The following BMX variants were observed in gnomAD, a reference collection of about 807,000 sequenced individuals.
The protein encoded by BMX is cytoplasmic tyrosine-protein kinase BMX.
A neutral mutation model predicts 59.2 loss-of-function variants in BMX; 31 were observed. The observed-to-expected ratio is 0.52, with a 90% CI of 0.39 to 0.71. The LOEUF (loss-of-function observed/expected upper bound fraction) is 0.71. Among genes scored for constraint, BMX ranks in the 30% least tolerant of loss-of-function variants. The probability of loss-of-function intolerance (pLI) is 0.00; values close to 1 mark genes in which losing one functional copy is unlikely to be tolerated. For missense variants in BMX, 474 were observed against 491.7 expected (o/e 0.96, Z 0.34); for synonymous variants, 185 against 181.0 (o/e 1.02, Z -0.18).
intron 18 of BMX, 132 bp downstream of exon 18, chrX:15,550,129 C>T (rs1926123120): frequency 2.5e-6 from 2 of 785,160 alleles, no homozygotes; most frequent in African/African-American, 2.1e-5. Context: ...TCCTCAGCCC[C>T]TGCCCTAAAA....
intron 3 of BMX, among the ~76,000 whole-genome samples, chrX:15,509,955 T>G (rs1038982595): frequency 9.0e-6 from 1 of 111,194 alleles, no homozygotes; most frequent in African/African-American, 3.3e-5. Context: ...GAAGGACAAG[T>G]AAAATTTAAC....
In BMX at chrX:15,503,042, C is replaced by G. The variant is rs145163334; in HGVS notation, c.-10+2102C>G. Among the ~76,000 whole-genome samples the G allele has an allele frequency of 2.7e-5, 3 of 111,631 alleles. No homozygotes were observed. The East Asian group carries it at 8.4e-4, about 31-fold the overall frequency. On this transcript the variant is annotated intron_variant, in intron 1 of 18. Coordinates refer to ENST00000348343, the MANE Select transcript of BMX (RefSeq NM_203281.3). ...GTAAGAGAGGATAACTAAACCAAGT[C>G]AAAGGGTAAGGAATTGCTATCCTTA... is the stretch of plus-strand genomic sequence containing the variant.
Position 15,501,212 on chromosome X carries a change from T to C in BMX, c.-10+272T>C, listed in dbSNP as rs111544032. Among the ~76,000 whole-genome samples the C allele has an allele frequency of 9.5e-3, 1,067 of 112,194 alleles. 14 individuals are homozygous for C. The highest frequency in any genetic ancestry group is 0.033 in the African/African-American group (1,005 of 30,835). On this transcript the variant is annotated intron_variant, in intron 1 of 18. Coordinates refer to ENST00000348343, the MANE Select transcript of BMX (RefSeq NM_203281.3). ...GTTAGGGAAGCTCTCAGGTTGTTTA[T>C]GTATCACCACCAGTTCTACCTAGCT... is the stretch of plus-strand genomic sequence containing the variant.
At chrX:15,531,259 C>A in intron 10 of BMX, 69 bp from the exon 11 acceptor site, 1 of 927,744 alleles carries the variant, frequency 1.1e-6, no homozygotes, top group Non-Finnish European at 1.5e-6. Context: ...CAACTACCTA[C>A]CATGCAAAAT....
intron 6 of BMX, 34 bp from the exon 7 acceptor site, chrX:15,522,312 A>T: frequency 8.3e-7 from 1 of 1,203,660 alleles, no homozygotes; most frequent in East Asian, 3.0e-5. Context: ...TCTGTGCCTC[A>T]CTGTGATGTA....
intron 14 of BMX, among the ~76,000 whole-genome samples, chrX:15,540,483 G>A (rs750964734): frequency 9.1e-6 from 1 of 109,712 alleles, no homozygotes; most frequent in East Asian, 2.9e-4. Flanking sequence ...TAATGAAGAT[G>A]ACGGGTGCAG....
intron 13 of BMX, among the ~76,000 whole-genome samples, chrX:15,536,832 A>G (rs1416025604): frequency 5.4e-5 from 6 of 111,105 alleles, no homozygotes; most frequent in Non-Finnish European, 5.7e-5. Context: ...ATCTAAGGAC[A>G]TCGAGTACAT....
chrX:15,509,735 T>C (rs1431370095), intron 3 of BMX, among the ~76,000 whole-genome samples: 3 of 110,875 alleles, frequency 2.7e-5, no homozygotes, highest in African/African-American at 9.9e-5. Flanking sequence ...GTAGTAGGCA[T>C]ACTATGGGGA....
Position 15,556,408 on chromosome X carries a change from G to C in BMX, c.*261G>C. On this transcript the variant is annotated 3_prime_UTR_variant, in exon 19 of 19. Coordinates refer to ENST00000348343, the MANE Select transcript of BMX (RefSeq NM_203281.3). ...AAGCACATTTTCAGACTGCAATATA[G>C]AGACTGTGTTCATGTGTAAAGACTG... 4.0e-6 allele frequency: 1 copy of C among 247,582 alleles called. No individual in the cohort carries two copies. The highest frequency in any genetic ancestry group is 7.1e-6 in the Non-Finnish European group (1 of 140,044). 20.4% of individuals were successfully genotyped at this position (247,582 alleles called of 1,213,427 possible). A position where few individuals can be genotyped will look rare whatever the true frequency, so the allele number is the denominator to read the frequency against.
At chrX:15,528,058 C>G (rs1924881755) in intron 9 of BMX, among the ~76,000 whole-genome samples, 1 of 112,259 alleles carries the variant, frequency 8.9e-6, no homozygotes, top group African/African-American at 3.2e-5. Flanking sequence ...CAGATATGAC[C>G]ATTTAAACAG....
At chrX:15,531,914 C>A (rs1601649115) in intron 11 of BMX, among the ~76,000 whole-genome samples, 1 of 111,525 alleles carries the variant, frequency 9.0e-6, no homozygotes, top group Admixed American at 9.5e-5. Flanking sequence ...AGGGCTCTGT[C>A]CTCTTTGTGT....
At chrX:15,552,032 T>C (rs1358551665) in intron 18 of BMX, among the ~76,000 whole-genome samples, 1 of 112,275 alleles carries the variant, frequency 8.9e-6, no homozygotes, top group Non-Finnish European at 1.9e-5. Context: ...TGTAAAAGAC[T>C]TTCTAGTGTA....
chrX:15,537,937 AT>A (rs1201688668), intron 14 of BMX, among the ~76,000 whole-genome samples: 3 of 110,496 alleles, frequency 2.7e-5, no homozygotes, highest in Non-Finnish European at 3.8e-5. Context: ...GGGGAGGTGC[AT>A]GGTGGGATGA....
At chrX:15,509,665 G>A (rs1923876243) in intron 3 of BMX, among the ~76,000 whole-genome samples, 1 of 111,271 alleles carries the variant, frequency 9.0e-6, no homozygotes, top group Non-Finnish European at 1.9e-5. Context: ...GACCTGACCT[G>A]CCTCAGGTCT....
At chrX:15,537,884 G>A (rs760907367) in intron 14 of BMX, among the ~76,000 whole-genome samples, 8 of 110,819 alleles carry the variant, frequency 7.2e-5, no homozygotes, top group African/African-American at 3.3e-5. Flanking sequence ...ATATAGGGTC[G>A]GAGTAGGCAT....
chrX:15,518,252 A>G (rs1044014361), intron 6 of BMX, among the ~76,000 whole-genome samples: 4 of 110,800 alleles, frequency 3.6e-5, no homozygotes, highest in Non-Finnish European at 5.7e-5. Context: ...ACCAAAAAAA[A>G]AAAAAGAAAA....
At chrX:15,513,923 C>G (rs1203685389) in intron 4 of BMX, among the ~76,000 whole-genome samples, 1 of 111,805 alleles carries the variant, frequency 8.9e-6, no homozygotes, top group African/African-American at 3.3e-5. Flanking sequence ...AGCTACCCCT[C>G]AGGTTCTTGA....
intron 8 of BMX, 136 bp from the exon 9 acceptor site, chrX:15,525,906 G>A: frequency 2.0e-6 from 1 of 512,729 alleles, no homozygotes; most frequent in Non-Finnish European, 3.2e-6. Flanking sequence ...TTTGCCAGGT[G>A]CAGAAGGAGA....
intron 9 of BMX, among the ~76,000 whole-genome samples, chrX:15,528,237 C>G (rs1465368454): frequency 8.9e-6 from 1 of 112,140 alleles, no homozygotes; most frequent in Non-Finnish European, 1.9e-5. Context: ...CTTAATGCTC[C>G]CAGCTTCCTA....
Sources: gnomAD v4.1 joint callset for allele counts (sites outside exome capture counted in the v4.1 genomes callset) on GRCh38, gnomAD v4.1.1 for gene constraint, MANE v1.5 for transcripts, NCBI Gene and HGNC (gene_info 2026-07-23, HGNC 2026-07-21) for gene names.